Variants in MICAL2 observed in about 807,000 individuals in gnomAD.
MICAL2 encodes microtubule associated monooxygenase, calponin and LIM domain containing 2.
Under a neutral mutation model 127.3 loss-of-function variants are expected in MICAL2, and 77 were observed. The observed-to-expected ratio is 0.60, with a 90% CI of 0.50 to 0.73. The LOEUF is 0.73. MICAL2 is among the 30% of genes least tolerant of loss of function. The pLI, the probability that MICAL2 is intolerant of heterozygous loss-of-function variation, is 0.00. For missense variants in MICAL2, 1,351 were observed against 1,434.4 expected, an observed-to-expected ratio of 0.94 and a Z score of 0.94; for synonymous variants, 570 against 551.1, an observed-to-expected ratio of 1.03 and a Z score of -0.48.
At chr11:12,254,891 C>T (rs1485606646) in intron 22 of MICAL2, 2 of 142,304 alleles carry the variant, frequency 1.4e-5, no homozygotes, top group African/African-American at 2.6e-5. Flanking sequence ...ACATACATGA[C>T]GTAAAATTTA....
At position 12,110,950 on chromosome 11, in the gene MICAL2, G is replaced by A. The variant is rs746401171; in HGVS notation, c.-149+224G>A. Among the ~76,000 whole-genome samples, 9 of 152,114 alleles carry A rather than the reference G, an allele frequency of 5.9e-5. No homozygotes were observed. The highest frequency in any genetic ancestry group is 1.0e-4 in the Non-Finnish European group (7 of 68,022). ...GGCCGGCCTCTGAACCAATTAGAAC[G>A]CAATAAAAGCCTCCCACCGGCACGC... On this transcript the variant is annotated intron_variant, in intron 1 of 27. Transcript: ENST00000683283. The surrounding 1 kb of genome is among the most constrained non-coding windows in gnomAD (Gnocchi z 4.5).
intron 21 of MICAL2, among the ~76,000 whole-genome samples, chr11:12,248,183 T>C (rs1438228909): frequency 6.6e-6 from 1 of 152,200 alleles, no homozygotes; most frequent in Non-Finnish European, 1.5e-5. Flanking sequence ...CTCAGATTGA[T>C]ATTCCACTTT....
Position 12,255,655 on chromosome 11 carries a change from A to G in MICAL2, c.2860A>G (p.Lys954Glu), listed in dbSNP as rs748696171. 2 of 1,613,876 alleles carry G rather than the reference A, an allele frequency of 1.2e-6. No individual in the cohort carries two copies. The highest frequency in any genetic ancestry group is 1.7e-6 in the Non-Finnish European group (2 of 1,179,970). Reference sequence around the variant, plus strand: ...TGCTCTTGGTTAGCTGACGGTAGGGAAAGTGTCCAGCGGAATAGGGGCTGC... The same window carrying G: ...TGCTCTTGGTTAGCTGACGGTAGGGGAAGTGTCCAGCGGAATAGGGGCTGC... Reference protein sequence around the residue: ...RTVHPQLTVGKVSSGIGAAAE... With the variant: ...RTVHPQLTVGEVSSGIGAAAE... Residue 954 changes from lysine to glutamate, a missense_variant, in exon 23 of 28, where the codon AAA becomes GAA. Lys to Glu is a moderately conservative substitution (Grantham distance 56, BLOSUM62 1). This residue lies in a region of MICAL2 where 752 missense variants were observed against 719.4 expected (regional missense o/e 1.05). Coordinates refer to ENST00000683283, the MANE Select transcript of MICAL2 (RefSeq NM_001282663.2).
chr11:12,151,256 C>T (rs1388595145), intron 2 of MICAL2, among the ~76,000 whole-genome samples: 4 of 152,092 alleles, frequency 2.6e-5, no homozygotes, highest in Non-Finnish European at 5.9e-5. Flanking sequence ...GAGGGGTGGG[C>T]AGGCTTATTT....
chr11:12,159,074 C>T (rs1008757078), intron 2 of MICAL2, among the ~76,000 whole-genome samples: 1 of 152,184 alleles, frequency 6.6e-6, no homozygotes, highest in African/African-American at 2.4e-5. Context: ...CTTATCTTCT[C>T]CTGTCAAACC....
intron 15 of MICAL2, among the ~76,000 whole-genome samples, chr11:12,228,734 G>A (rs1157188203): frequency 6.6e-6 from 1 of 152,228 alleles, no homozygotes; most frequent in Non-Finnish European, 1.5e-5. Context: ...ACCATGCCAG[G>A]CGACAGGGAA....
intron 3 of MICAL2, among the ~76,000 whole-genome samples, chr11:12,191,466 T>G: frequency 1.3e-5 from 1 of 78,238 alleles, no homozygotes. Flanking sequence ...AGCAAGACTA[T>G]GTCTCAAAAA....
intron 26 of MICAL2, chr11:12,260,382 C>A (rs779858297): frequency 7.7e-5 from 99 of 1,278,116 alleles, no homozygotes; most frequent in Non-Finnish European, 8.7e-5. Context: ...TATGAAGGAT[C>A]TTTTCTATAG....
chr11:12,344,828 A>G (rs1336810702), intron 32 of MICAL2, among the ~76,000 whole-genome samples: 1 of 144,878 alleles, frequency 6.9e-6, no homozygotes, highest in Non-Finnish European at 1.5e-5. Flanking sequence ...GAAATTGTGG[A>G]CCAGGTGCGG....
intron 10 of MICAL2, 28 bp downstream of exon 10, chr11:12,221,787 TG>T (rs1166750266): frequency 2.5e-6 from 4 of 1,587,688 alleles, no homozygotes; most frequent in Non-Finnish European, 3.5e-6. Flanking sequence ...GGCTCCTAAC[TG>T]GGGGGCAGGG....
chr11:12,286,550 G>A (rs1330924349), intron 2 of MICAL2, among the ~76,000 whole-genome samples: 2 of 152,160 alleles, frequency 1.3e-5, no homozygotes, highest in Non-Finnish European at 2.9e-5. Context: ...TTCTCTGAGG[G>A]TGGTACCTGT....
intron 2 of MICAL2, among the ~76,000 whole-genome samples, chr11:12,149,793 G>A: frequency 6.6e-6 from 1 of 152,190 alleles, no homozygotes; most frequent in Non-Finnish European, 1.5e-5. Context: ...TGACACAAGG[G>A]CCTGAAATGC....
intron 32 of MICAL2, among the ~76,000 whole-genome samples, chr11:12,347,756 A>G (rs1938978413): frequency 6.6e-6 from 1 of 152,206 alleles, no homozygotes; most frequent in Admixed American, 6.5e-5. Context: ...CAGGATGTGT[A>G]TAGGTTATAT....
At chr11:12,185,462 C>A (rs1041119652) in intron 3 of MICAL2, among the ~76,000 whole-genome samples, 2 of 152,114 alleles carry the variant, frequency 1.3e-5, no homozygotes, top group Non-Finnish European at 2.9e-5. Context: ...CCAAGCCACT[C>A]GTGCTTCCTT....
chr11:12,305,431 G>C (rs1320912580), intron 29 of MICAL2, among the ~76,000 whole-genome samples: 2 of 152,170 alleles, frequency 1.3e-5, no homozygotes, highest in East Asian at 3.8e-4. Flanking sequence ...CTGACACTTG[G>C]AGATTAGAAT....
chr11:12,202,703 A>T (rs553502748), intron 3 of MICAL2, among the ~76,000 whole-genome samples: 1 of 152,336 alleles, frequency 6.6e-6, no homozygotes, highest in Non-Finnish European at 1.5e-5. Context: ...AATTCCTAGA[A>T]GACAGGGCCT....
At chr11:12,246,797 C>A (rs1044174806) in intron 21 of MICAL2, among the ~76,000 whole-genome samples, 2 of 152,070 alleles carry the variant, frequency 1.3e-5, no homozygotes, top group Admixed American at 6.5e-5. Context: ...AATGAAAATC[C>A]ATTGTTAGGC....
chr11:12,148,689 C>T (rs1031485709), intron 2 of MICAL2, among the ~76,000 whole-genome samples: 4 of 152,208 alleles, frequency 2.6e-5, no homozygotes, highest in Admixed American at 6.5e-5. Context: ...CACCAGGCCC[C>T]GGGGCTTGCA....
At chr11:12,324,141 T>G in intron 31 of MICAL2, 2 of 1,548,534 alleles carry the variant, frequency 1.3e-6, no homozygotes, top group Admixed American at 2.1e-5. Flanking sequence ...TGGGAAAGAG[T>G]TTTGGGGGTC....
Sources: gnomAD v4.1 joint callset for allele counts (sites outside exome capture counted in the v4.1 genomes callset) on GRCh38, gnomAD v4.1.1 for gene constraint, gnomAD v4.1.1 regional missense constraint, Gnocchi (gnomAD v3.1) non-coding constraint, MANE v1.5 for transcripts, NCBI Gene and HGNC (gene_info 2026-07-23, HGNC 2026-07-21) for gene names.